Variants in GABBR2 observed in about 807,000 individuals in gnomAD.
GABBR2 encodes the protein G-protein coupled receptor 51.
GABBR2 carries 23 observed loss-of-function variants against 105.6 expected under a neutral mutation model. The ratio of observed to expected loss-of-function variants is 0.22; its 90% confidence interval spans 0.16 to 0.31. The LOEUF is 0.31. GABBR2 is among the 10% of genes least tolerant of loss of function. The probability of loss-of-function intolerance (pLI) is 1.00; values close to 1 mark genes in which losing one functional copy is unlikely to be tolerated. For synonymous variants in GABBR2, 478 were observed against 499.7 expected, an observed-to-expected ratio of 0.96 and a Z score of 0.58; for missense variants, 734 against 1,245.5, an observed-to-expected ratio of 0.59 and a Z score of 6.18.
At chr9:98,564,454 C>T (rs762288877) in intron 2 of GABBR2, among the ~76,000 whole-genome samples, 1 of 152,154 alleles carries the variant, frequency 6.6e-6, no homozygotes, top group Non-Finnish European at 1.5e-5. Flanking sequence ...TGTAGACTTG[C>T]GGTTGCAAGC....
chr9:98,460,939 G>A (rs1826415184), intron 6 of GABBR2, among the ~76,000 whole-genome samples: 2 of 152,196 alleles, frequency 1.3e-5, no homozygotes, highest in African/African-American at 4.8e-5. Flanking sequence ...AGAGCAATAA[G>A]TCAGACAGCA....
intron 3 of GABBR2, among the ~76,000 whole-genome samples, chr9:98,505,092 T>C (rs111232678): frequency 0.018 from 2,775 of 152,290 alleles, 85 homozygotes; most frequent in African/African-American, 0.064. Context: ...AAAAACCCCA[T>C]AGCTTTCTAA....
At chr9:98,310,655 CT>C (rs1182613081) in intron 14 of GABBR2, among the ~76,000 whole-genome samples, 1 of 152,174 alleles carries the variant, frequency 6.6e-6, no homozygotes, top group East Asian at 1.9e-4. Context: ...GAGGCTTACC[CT>C]CCTCATCTAT....
chr9:98,314,513 C>A (rs1000985789), intron 13 of GABBR2, among the ~76,000 whole-genome samples: 3 of 152,154 alleles, frequency 2.0e-5, no homozygotes, highest in African/African-American at 7.2e-5. Context: ...TTGTGTCATA[C>A]AGCATTGCTC....
chr9:98,569,304 G>A (rs1015907689), intron 2 of GABBR2, among the ~76,000 whole-genome samples: 2 of 152,070 alleles, frequency 1.3e-5, no homozygotes, highest in Non-Finnish European at 2.9e-5. Flanking sequence ...TTTGACTGTT[G>A]GGGGCTGAGA....
chr9:98,336,814 T>TCA (rs1554691830), intron 13 of GABBR2, among the ~76,000 whole-genome samples: 1 of 151,574 alleles, frequency 6.6e-6, no homozygotes, highest in Non-Finnish European at 1.5e-5. Context: ...CAGAATGAAT[T>TCA]AAAAAAAACA....
chr9:98,675,321 G>T (rs1430509293), intron 1 of GABBR2, among the ~76,000 whole-genome samples: 3 of 152,022 alleles, frequency 2.0e-5, no homozygotes, highest in Admixed American at 6.6e-5. Context: ...GGCAGGCCAG[G>T]TGAACGGCTG....
chr9:98,464,963 C>T (rs896629022), intron 6 of GABBR2, among the ~76,000 whole-genome samples: 8 of 151,826 alleles, frequency 5.3e-5, no homozygotes, highest in Admixed American at 3.3e-4. Flanking sequence ...CTCAAGTACC[C>T]GGGGACACAA....
intron 1 of GABBR2, among the ~76,000 whole-genome samples, chr9:98,647,156 T>G (rs1402329685): frequency 6.6e-6 from 1 of 152,208 alleles, no homozygotes; most frequent in South Asian, 2.1e-4. Flanking sequence ...GCTAGAGGAC[T>G]AGGCACAGTC....
intron 13 of GABBR2, among the ~76,000 whole-genome samples, chr9:98,349,636 G>A (rs552618547): frequency 1.3e-5 from 2 of 152,226 alleles, no homozygotes; most frequent in Admixed American, 1.3e-4. Context: ...TTACAGGCGT[G>A]AGCCACTGTG....
chr9:98,418,773 T>C (rs534770439), intron 7 of GABBR2, among the ~76,000 whole-genome samples: 1 of 152,266 alleles, frequency 6.6e-6, no homozygotes, highest in Admixed American at 6.5e-5. Flanking sequence ...ACCAGAGCAG[T>C]GGCTGGCATC....
intron 13 of GABBR2, among the ~76,000 whole-genome samples, chr9:98,356,910 T>C (rs1588119340): frequency 1.3e-5 from 2 of 152,200 alleles, no homozygotes; most frequent in East Asian, 3.8e-4. Flanking sequence ...AAAATATATG[T>C]AGGAACCTTA....
rs1274659550 is a variant in GABBR2, at chr9:98,388,642, TGTGTGTGTGTGTGTGTGTGC to T, written c.1529+192_1529+211del. ...CTCTGTGTGTGTGTGTGTGTGTGTG[TGTGTGTGTGTGTGTGTGTGC>T]GTGCACGCACACACACGTACTCACA... On this transcript the variant is annotated intron_variant, in intron 10 of 18. Transcript: ENST00000259455. This position sits in a 1 kb window ranked among gnomAD's most constrained non-coding sequence, Gnocchi z 4.4. 9.2e-5 allele frequency among the ~76,000 whole-genome samples: 14 copies of T among 151,970 alleles called. No individual in the cohort carries two copies. The highest frequency in any genetic ancestry group is 3.4e-4 in the African/African-American group (14 of 41,428).
chr9:98,337,420 C>A (rs934522737), intron 13 of GABBR2, among the ~76,000 whole-genome samples: 7 of 152,214 alleles, frequency 4.6e-5, no homozygotes, highest in African/African-American at 1.7e-4. Context: ...CCCATATTAT[C>A]TACAAACTCA....
chr9:98,432,263 G>A (rs973919945), intron 7 of GABBR2, among the ~76,000 whole-genome samples: 1 of 152,218 alleles, frequency 6.6e-6, no homozygotes, highest in Non-Finnish European at 1.5e-5. Flanking sequence ...TGGTGAGTGT[G>A]AGAATGAGCC....
At chr9:98,558,414 C>T (rs1222244673) in intron 2 of GABBR2, among the ~76,000 whole-genome samples, 1 of 152,132 alleles carries the variant, frequency 6.6e-6, no homozygotes, top group African/African-American at 2.4e-5. Flanking sequence ...TTAGTTATGT[C>T]TACAATTAGC....
chr9:98,459,772 C>T (rs1826392250), intron 6 of GABBR2, among the ~76,000 whole-genome samples: 1 of 152,186 alleles, frequency 6.6e-6, no homozygotes, highest in Admixed American at 6.5e-5. Flanking sequence ...AAGGGTCAAA[C>T]ACTAGGAATC....
intron 4 of GABBR2, among the ~76,000 whole-genome samples, chr9:98,485,759 C>A (rs1272449813): frequency 6.6e-6 from 1 of 152,202 alleles, no homozygotes; most frequent in African/African-American, 2.4e-5. Flanking sequence ...ATTAAGCAAA[C>A]TTCCCAGGTG....
intron 1 of GABBR2, among the ~76,000 whole-genome samples, chr9:98,685,936 G>T (rs538338813): frequency 6.6e-6 from 1 of 151,940 alleles, no homozygotes; most frequent in African/African-American, 2.4e-5. Context: ...CAATCCTCCC[G>T]CCTTGGCCTC....
Sources: allele counts gnomAD v4.1 joint callset (sites outside exome capture counted in the v4.1 genomes callset), GRCh38; gene constraint gnomAD v4.1.1; non-coding constraint Gnocchi (gnomAD v3.1); transcripts MANE v1.5; gene names NCBI Gene and HGNC (gene_info 2026-07-23, HGNC 2026-07-21).